Variants in CDK14 observed in about 807,000 individuals in gnomAD.
CDK14 encodes the protein cyclin-dependent kinase 14.
In CDK14, 34 loss-of-function variants were observed where a neutral mutation model predicts 60.7. That is an observed-to-expected ratio of 0.56 (90% confidence interval 0.43 to 0.75). The LOEUF is 0.75. CDK14 is among the 30% of genes least tolerant of loss of function. The pLI, the probability that CDK14 is intolerant of heterozygous loss-of-function variation, is 0.00. For synonymous variants in CDK14, 197 were observed against 203.7 expected (o/e 0.97, Z 0.28); for missense variants, 482 against 564.1 (o/e 0.85, Z 1.47).
intron 5 of CDK14, among the ~76,000 whole-genome samples, chr7:90,806,216 T>G (rs1006323720): frequency 6.6e-6 from 1 of 152,100 alleles, no homozygotes; most frequent in African/African-American, 2.4e-5. Context: ...TTTGTGCCCT[T>G]GGATTACACA....
chr7:91,048,341 T>C (rs569390323), intron 11 of CDK14, among the ~76,000 whole-genome samples: 1 of 152,360 alleles, frequency 6.6e-6, no homozygotes, highest in South Asian at 2.1e-4. Flanking sequence ...AGGAGGCCAA[T>C]GTGGTGTCCC....
chr7:90,846,572 A>T, intron 5 of CDK14, among the ~76,000 whole-genome samples: 1 of 152,150 alleles, frequency 6.6e-6, no homozygotes, highest in Non-Finnish European at 1.5e-5. Flanking sequence ...TGGGAAAAAC[A>T]TATCTATTTA....
chr7:91,013,045 C>T (rs1290161718), intron 10 of CDK14, among the ~76,000 whole-genome samples: 2 of 152,140 alleles, frequency 1.3e-5, no homozygotes, highest in South Asian at 2.1e-4. Flanking sequence ...ACAGCAATAA[C>T]GTGGGCATGA....
At chr7:91,020,512 G>C (rs1446117847) in intron 10 of CDK14, among the ~76,000 whole-genome samples, 1 of 152,184 alleles carries the variant, frequency 6.6e-6, no homozygotes, top group African/African-American at 2.4e-5. Flanking sequence ...GCATGCATGA[G>C]TATATAATAT....
rs1794348161 is a variant in CDK14, at chr7:90,954,442, G to GTT, written c.827-1249_827-1248dup. Among the ~76,000 whole-genome samples the GTT allele has an allele frequency of 2.0e-5, 3 of 151,844 alleles. No individual in the cohort carries two copies. In the South Asian group the frequency reaches 6.2e-4, roughly 32 times the overall value. The stretch of plus-strand genomic sequence containing the variant: ...AGCTAGATAGAAAGCTGTCACACAG[G>GTT]TTTTTTTCTTTTAAAAAATGACATC... On this transcript the variant is annotated intron_variant, in intron 8 of 14. Coordinates refer to ENST00000380050, the MANE Select transcript of CDK14 (RefSeq NM_001287135.2).
intron 6 of CDK14, among the ~76,000 whole-genome samples, chr7:90,895,051 A>C (rs976576610): frequency 6.6e-6 from 1 of 152,082 alleles, no homozygotes; most frequent in Non-Finnish European, 1.5e-5. Flanking sequence ...TTAAAGAAGA[A>C]GTAGGAAGCA....
chr7:90,978,269 T>G (rs1400567979), intron 9 of CDK14, among the ~76,000 whole-genome samples: 1 of 152,110 alleles, frequency 6.6e-6, no homozygotes, highest in Non-Finnish European at 1.5e-5. Context: ...CCGCACAGCA[T>G]GCGGAGGCTT....
At chr7:91,063,223 T>C (rs1797861975) in intron 11 of CDK14, among the ~76,000 whole-genome samples, 1 of 152,184 alleles carries the variant, frequency 6.6e-6, no homozygotes, top group African/African-American at 2.4e-5. Flanking sequence ...TTTAGGCCAT[T>C]ATCACATAGC....
chr7:91,159,332 A>G (rs533876223), intron 14 of CDK14, among the ~76,000 whole-genome samples: 1 of 152,262 alleles, frequency 6.6e-6, no homozygotes, highest in South Asian at 2.1e-4. Flanking sequence ...TAACTAAGAG[A>G]CTCAGCATGG....
intron 9 of CDK14, among the ~76,000 whole-genome samples, chr7:90,967,655 G>A (rs547262923): frequency 6.6e-6 from 1 of 152,288 alleles, no homozygotes; most frequent in Admixed American, 6.5e-5. Flanking sequence ...TTAATAAAAT[G>A]TGAGGTCATA....
chr7:90,777,856 CAT>C (rs573529546), intron 4 of CDK14, among the ~76,000 whole-genome samples: 2 of 152,236 alleles, frequency 1.3e-5, no homozygotes, highest in Non-Finnish European at 2.9e-5. Context: ...ACTGCACCCT[CAT>C]ATTTCTTCTT....
chr7:90,624,305 A>C (rs915835677), intron 2 of CDK14, among the ~76,000 whole-genome samples: 14 of 152,172 alleles, frequency 9.2e-5, no homozygotes, highest in African/African-American at 3.4e-4. Flanking sequence ...GTGACCTAGA[A>C]ACCCTAGCAA....
At chr7:91,078,367 G>A (rs549834740) in intron 11 of CDK14, among the ~76,000 whole-genome samples, 1 of 152,308 alleles carries the variant, frequency 6.6e-6, no homozygotes, top group East Asian at 1.9e-4. Flanking sequence ...AGCACTTTGG[G>A]AGGCCAAGGC....
At chr7:90,856,249 G>T (rs1411734427) in intron 5 of CDK14, among the ~76,000 whole-genome samples, 2 of 152,046 alleles carry the variant, frequency 1.3e-5, no homozygotes, top group Admixed American at 6.5e-5. Context: ...TTAACCTTAC[G>T]TTTAGAGTTG....
chr7:91,163,345 C>T (rs550653143), intron 14 of CDK14, among the ~76,000 whole-genome samples: 43 of 152,248 alleles, frequency 2.8e-4, no homozygotes, highest in African/African-American at 8.9e-4. Flanking sequence ...TAGAATCCAG[C>T]GCAAGATTTG....
chr7:90,881,755 C>T (rs1406502821), intron 6 of CDK14, among the ~76,000 whole-genome samples: 1 of 152,118 alleles, frequency 6.6e-6, no homozygotes, highest in Non-Finnish European at 1.5e-5. Context: ...GAAACTCTAC[C>T]AGCCAGAAGA....
chr7:90,879,842 T>G (rs935481205), intron 6 of CDK14, among the ~76,000 whole-genome samples: 4 of 145,582 alleles, frequency 2.7e-5, no homozygotes, highest in Non-Finnish European at 6.0e-5. Flanking sequence ...CAGTGTGGTA[T>G]GGTGGACCAT....
intron 2 of CDK14, among the ~76,000 whole-genome samples, chr7:90,686,724 A>G (rs1801444484): frequency 6.6e-6 from 1 of 152,188 alleles, no homozygotes; most frequent in South Asian, 2.1e-4. Context: ...GTGATTTTCT[A>G]AAAGTAAGAT....
intron 6 of CDK14, among the ~76,000 whole-genome samples, chr7:90,879,351 C>T (rs372790682): frequency 2.0e-5 from 3 of 152,054 alleles, no homozygotes; most frequent in Non-Finnish European, 2.9e-5. Flanking sequence ...AGTTATGTAT[C>T]GTTTATTCAC....
Sources: gnomAD v4.1 joint callset for allele counts (sites outside exome capture counted in the v4.1 genomes callset) on GRCh38, gnomAD v4.1.1 for gene constraint, MANE v1.5 for transcripts, NCBI Gene and HGNC (gene_info 2026-07-23, HGNC 2026-07-21) for gene names.